The following HS3ST4 variants were observed in gnomAD, a reference collection of about 807,000 sequenced individuals.
HS3ST4 encodes heparan sulfate glucosamine 3-O-sulfotransferase 4.
A neutral mutation model predicts 29.2 loss-of-function variants in HS3ST4; 17 were observed. The ratio of observed to expected loss-of-function variants is 0.58; its 90% CI spans 0.40 to 0.87. HS3ST4 has a LOEUF of 0.87. HS3ST4 is among the 40% of genes least tolerant of loss of function. HS3ST4 has a pLI of 0.00. For missense variants in HS3ST4, 627 were observed against 634.5 expected (o/e 0.99, Z 0.13); for synonymous variants, 314 against 285.7 (o/e 1.10, Z -1.00).
intron 1 of HS3ST4, among the ~76,000 whole-genome samples, chr16:25,872,817 G>A (rs1362753130): frequency 6.6e-6 from 1 of 152,180 alleles, no homozygotes. Flanking sequence ...ATAAGAGTAA[G>A]AGACATTGTG....
chr16:25,765,686 C>A (rs1381639064), intron 1 of HS3ST4, among the ~76,000 whole-genome samples: 2 of 152,124 alleles, frequency 1.3e-5, no homozygotes, highest in African/African-American at 2.4e-5. Context: ...CAGGGGAGCA[C>A]CCTCATCTGC....
chr16:26,120,417 T>C (rs981972668), intron 1 of HS3ST4, among the ~76,000 whole-genome samples: 11 of 152,156 alleles, frequency 7.2e-5, no homozygotes, highest in Admixed American at 2.6e-4. Flanking sequence ...AAGGAAACAG[T>C]TCAAGGACAA....
At chr16:25,902,371 C>G (rs534107979) in intron 1 of HS3ST4, among the ~76,000 whole-genome samples, 2 of 152,206 alleles carry the variant, frequency 1.3e-5, no homozygotes, top group Non-Finnish European at 2.9e-5. Context: ...TGGTGCACAT[C>G]TGTGGTCTCA....
chr16:25,838,374 A>T (rs751104417), intron 1 of HS3ST4, among the ~76,000 whole-genome samples: 11 of 152,140 alleles, frequency 7.2e-5, no homozygotes, highest in Non-Finnish European at 1.2e-4. Context: ...GCATTTACTT[A>T]TGCACCTGCC....
intron 1 of HS3ST4, among the ~76,000 whole-genome samples, chr16:25,735,232 C>G (rs556763320): frequency 1.4e-4 from 22 of 152,242 alleles, no homozygotes; most frequent in African/African-American, 3.9e-4. Context: ...ATCATGCTTC[C>G]CCTTGCAATA....
At chr16:25,992,101 A>G (rs1462588497) in intron 1 of HS3ST4, among the ~76,000 whole-genome samples, 1 of 152,228 alleles carries the variant, frequency 6.6e-6, no homozygotes, top group Non-Finnish European at 1.5e-5. Context: ...CATGGTGCTA[A>G]GTCCTAGGGC....
intron 1 of HS3ST4, among the ~76,000 whole-genome samples, chr16:26,093,211 G>C (rs1898879123): frequency 6.6e-6 from 1 of 152,182 alleles, no homozygotes; most frequent in African/African-American, 2.4e-5. Context: ...AAGTGTCCCT[G>C]TCTGACAGCT....
intron 1 of HS3ST4, among the ~76,000 whole-genome samples, chr16:26,133,332 G>C (rs1899444347): frequency 6.6e-6 from 1 of 152,032 alleles, no homozygotes; most frequent in African/African-American, 2.4e-5. Flanking sequence ...AAACATTAAG[G>C]GTCAAAATGG....
intron 1 of HS3ST4, among the ~76,000 whole-genome samples, chr16:25,845,596 C>T (rs924694988): frequency 2.0e-5 from 3 of 150,444 alleles, no homozygotes; most frequent in African/African-American, 7.3e-5. Context: ...TAATTGGTGC[C>T]GAAAAATTGA....
intron 1 of HS3ST4, among the ~76,000 whole-genome samples, chr16:26,003,605 G>A (rs1039877160): frequency 1.1e-4 from 16 of 152,272 alleles, no homozygotes; most frequent in East Asian, 1.9e-4. Flanking sequence ...CCTAATATTT[G>A]CAGCAAAAGT....
intron 1 of HS3ST4, among the ~76,000 whole-genome samples, chr16:25,975,402 A>G (rs1276117429): frequency 2.0e-5 from 3 of 152,124 alleles, no homozygotes; most frequent in South Asian, 2.1e-4. Context: ...GTGTCACACA[A>G]TATACCCATA....
At chr16:26,054,787 G>C (rs970820945) in intron 1 of HS3ST4, among the ~76,000 whole-genome samples, 1 of 151,960 alleles carries the variant, frequency 6.6e-6, no homozygotes, top group Non-Finnish European at 1.5e-5. Flanking sequence ...TGCTCTGGGA[G>C]CCATCGCAAG....
At chr16:25,746,931 C>T (rs1567231928) in intron 1 of HS3ST4, among the ~76,000 whole-genome samples, 1 of 152,176 alleles carries the variant, frequency 6.6e-6, no homozygotes, top group Non-Finnish European at 1.5e-5. Context: ...TCACTGAAGC[C>T]TGGAACTCCA....
At chr16:25,903,916 A>G (rs1968148432) in intron 1 of HS3ST4, among the ~76,000 whole-genome samples, 1 of 152,242 alleles carries the variant, frequency 6.6e-6, no homozygotes, top group Admixed American at 6.5e-5. Context: ...ACGTATTTCC[A>G]GCACCTAAAT....
intron 1 of HS3ST4, among the ~76,000 whole-genome samples, chr16:25,766,467 C>T (rs143923557): frequency 9.3e-4 from 141 of 152,252 alleles, no homozygotes; most frequent in African/African-American, 3.1e-3. Flanking sequence ...CAGAGAGAAG[C>T]GAATATAGAT....
intron 1 of HS3ST4, among the ~76,000 whole-genome samples, chr16:25,815,162 G>A (rs1967080711): frequency 6.6e-6 from 1 of 152,308 alleles, no homozygotes. Context: ...GTTTATTCTT[G>A]AGGGAGGAAG....
intron 1 of HS3ST4, among the ~76,000 whole-genome samples, chr16:25,788,522 AT>A (rs962087346): frequency 5.2e-5 from 6 of 115,414 alleles, no homozygotes; most frequent in East Asian, 2.3e-4. Flanking sequence ...ATCTTCCTAC[AT>A]TTTTTTTTCT....
chr16:25,990,392 T>G (rs1258955510), intron 1 of HS3ST4, among the ~76,000 whole-genome samples: 1 of 152,224 alleles, frequency 6.6e-6, no homozygotes, highest in Non-Finnish European at 1.5e-5. Context: ...ATGAGAGTGG[T>G]TGTTGCTCCA....
chr16:26,101,020 G>T (rs567554061), intron 1 of HS3ST4, among the ~76,000 whole-genome samples: 1 of 152,300 alleles, frequency 6.6e-6, no homozygotes, highest in South Asian at 2.1e-4. Flanking sequence ...CGTTACTAAA[G>T]CCCAGAGCCT....
Sources: gnomAD v4.1 joint callset for allele counts (sites outside exome capture counted in the v4.1 genomes callset) on GRCh38, gnomAD v4.1.1 for gene constraint, MANE v1.5 for transcripts, NCBI Gene and HGNC (gene_info 2026-07-23, HGNC 2026-07-21) for gene names.